REDIC1: variants seen among roughly 807,000 people sequenced by gnomAD.
REDIC1 encodes the protein regulator of DNA class I crossover intermediates 1, also known as HEI10 Interacting Protein 1.
the REDIC1 span, among the ~76,000 whole-genome samples, chr12:39,839,984 T>A: frequency 6.6e-6 from 1 of 152,100 alleles, no homozygotes; most frequent in Non-Finnish European, 1.5e-5. Context: ...GTTCTATCAA[T>A]TCTATGTCTC....
At chr12:39,830,204 A>T in the REDIC1 span, 5 of 1,613,572 alleles carry the variant, frequency 3.1e-6, no homozygotes, top group Non-Finnish European at 4.2e-6. Flanking sequence ...CGCAGTCTGG[A>T]TCCAACATAC....
At chr12:39,894,171 A>C in the REDIC1 span, among the ~76,000 whole-genome samples, 1 of 152,336 alleles carries the variant, frequency 6.6e-6, no homozygotes, top group African/African-American at 2.4e-5. Flanking sequence ...CAGCTCAATG[A>C]ACTAAATTGA....
the REDIC1 span, among the ~76,000 whole-genome samples, chr12:39,895,647 TACGTACACAC>T: frequency 5.5e-4 from 45 of 82,532 alleles, no homozygotes; most frequent in African/African-American, 1.1e-3. Flanking sequence ...TATGCGTGTA[TACGTACACAC>T]ATATGTATAT....
chr12:39,687,394 G>A, the REDIC1 span, among the ~76,000 whole-genome samples: 1 of 152,190 alleles, frequency 6.6e-6, no homozygotes, highest in African/African-American at 2.4e-5. Context: ...ATTGGCTTCT[G>A]GGGAAGCCTC....
chr12:39,626,246 C>G, the REDIC1 span: 1 of 1,476,650 alleles, frequency 6.8e-7, no homozygotes, highest in Non-Finnish European at 9.4e-7. Context: ...TCAGGAGGCC[C>G]TGGGGGATCC....
chr12:39,863,018 T>C, the REDIC1 span, among the ~76,000 whole-genome samples: 11 of 152,254 alleles, frequency 7.2e-5, no homozygotes, highest in South Asian at 2.3e-3. Flanking sequence ...ATACATACTG[T>C]CAAATTCCCA....
the REDIC1 span, among the ~76,000 whole-genome samples, chr12:39,711,122 A>G: frequency 4.6e-5 from 7 of 151,324 alleles, no homozygotes; most frequent in Non-Finnish European, 7.4e-5. Context: ...TAGTTACCTC[A>G]TATCAGTGAG....
At chr12:39,716,596 G>A in the REDIC1 span, among the ~76,000 whole-genome samples, 2 of 151,968 alleles carry the variant, frequency 1.3e-5, no homozygotes, top group South Asian at 4.1e-4. Context: ...AGAATTGTAA[G>A]GTGCCAAGTA....
At chr12:39,759,129 G>A in the REDIC1 span, 1 of 152,390 alleles carries the variant, frequency 6.6e-6, no homozygotes, top group Non-Finnish European at 1.5e-5. Context: ...CAATGAGGAA[G>A]GTGTAGTGAT....
the REDIC1 span, among the ~76,000 whole-genome samples, chr12:39,707,232 C>T: frequency 6.4e-4 from 97 of 151,912 alleles, 2 homozygotes; most frequent in East Asian, 0.015. Flanking sequence ...AAGAGACATA[C>T]ACATGGCAAA....
the REDIC1 span, chr12:39,650,318 C>T: frequency 6.2e-7 from 1 of 1,611,228 alleles, no homozygotes; most frequent in Non-Finnish European, 8.5e-7. This position sits in a 1 kb window ranked among gnomAD's most constrained non-coding sequence, Gnocchi z 4.3. Context: ...TCACATAAAA[C>T]TACACGATTT....
chr12:39,743,635 A>G, the REDIC1 span, among the ~76,000 whole-genome samples: 12 of 152,186 alleles, frequency 7.9e-5, no homozygotes, highest in Non-Finnish European at 1.5e-4. Flanking sequence ...GTAAGCAGAG[A>G]GATGAAAATG....
At chr12:39,684,321 CCTAA>C in the REDIC1 span, 1 of 902,942 alleles carries the variant, frequency 1.1e-6, no homozygotes, top group Non-Finnish European at 1.3e-6. Context: ...TGGTAATAGT[CCTAA>C]CTTTCTTGGT....
chr12:39,857,395 C>T, the REDIC1 span, among the ~76,000 whole-genome samples: 1 of 152,104 alleles, frequency 6.6e-6, no homozygotes, highest in Non-Finnish European at 1.5e-5. Flanking sequence ...TTCCTCTTGC[C>T]CTAAGTATTT....
At chr12:39,749,851 T>G in the REDIC1 span, among the ~76,000 whole-genome samples, 6 of 152,144 alleles carry the variant, frequency 3.9e-5, no homozygotes, top group Non-Finnish European at 7.3e-5. Flanking sequence ...GAAAAGGCCT[T>G]TGAGAAAATT....
At chr12:39,642,295 T>G in the REDIC1 span, among the ~76,000 whole-genome samples, 3 of 151,724 alleles carry the variant, frequency 2.0e-5, no homozygotes, top group Admixed American at 6.6e-5. Flanking sequence ...GAATAAAGGC[T>G]TAGTCCCTTT....
the REDIC1 span, among the ~76,000 whole-genome samples, chr12:39,669,690 G>T: frequency 6.6e-6 from 1 of 152,344 alleles, no homozygotes; most frequent in Non-Finnish European, 1.5e-5. Flanking sequence ...TTGAGCTGCG[G>T]TGGGCTCCAC....
At chr12:39,751,768 T>C in the REDIC1 span, among the ~76,000 whole-genome samples, 2 of 152,220 alleles carry the variant, frequency 1.3e-5, no homozygotes, top group East Asian at 1.9e-4. Flanking sequence ...TGGATGAAGC[T>C]GGAAACCATC....
chr12:39,788,323 G>C, the REDIC1 span, among the ~76,000 whole-genome samples: 1 of 151,994 alleles, frequency 6.6e-6, no homozygotes, highest in Admixed American at 6.6e-5. Context: ...TTGTGCTTTG[G>C]GGCCATTATT....
Sources: allele counts gnomAD v4.1 joint callset (sites outside exome capture counted in the v4.1 genomes callset), GRCh38; gene constraint gnomAD v4.1.1; non-coding constraint Gnocchi (gnomAD v3.1); transcripts MANE v1.5; gene names NCBI Gene and HGNC (gene_info 2026-07-23, HGNC 2026-07-21).